ZNF808: variants seen among roughly 807,000 people sequenced by gnomAD.
ZNF808 encodes the protein zinc finger protein 808.
In ZNF808, 5 loss-of-function variants were observed where a neutral mutation model predicts 8.7. The observed-to-expected ratio is 0.58, with a 90% CI of 0.30 to 1.21. The LOEUF (loss-of-function observed/expected upper bound fraction) is 1.21, where lower values mean the gene tolerates loss of function less well. Among genes scored for constraint, ZNF808 ranks in the 50% most tolerant of loss-of-function variants. The pLI is 0.07. For missense variants in ZNF808, 1,103 were observed against 1,098.4 expected (o/e 1.00, Z -0.06); for synonymous variants, 380 against 366.0 (o/e 1.04, Z -0.44).
At chr19:52,530,436 G>T (rs544419798) in intron 1 of ZNF808, among the ~76,000 whole-genome samples, 69 of 152,152 alleles carry the variant, frequency 4.5e-4, no homozygotes, top group Admixed American at 2.3e-3. Context: ...GACAGAGGTG[G>T]GTGGATCATG....
At chr19:52,528,667 G>T (rs2059532920) in intron 1 of ZNF808, among the ~76,000 whole-genome samples, 1 of 152,094 alleles carries the variant, frequency 6.6e-6, no homozygotes, top group Admixed American at 6.6e-5. Context: ...AGCCAGGGCA[G>T]ACAGAGCAGA....
downstream of ZNF808, among the ~76,000 whole-genome samples, chr19:52,557,337 T>C (rs1219162242): frequency 6.6e-6 from 1 of 150,748 alleles, no homozygotes; most frequent in Non-Finnish European, 1.5e-5. Flanking sequence ...TGCGATCTGG[T>C]GTCACTGCAA....
chr19:52,535,330 CAAAAAA>C (rs560559835), intron 2 of ZNF808, among the ~76,000 whole-genome samples: 862 of 70,142 alleles, frequency 0.012, 9 homozygotes, highest in Middle Eastern at 0.061. Context: ...GACTCCGTCT[CAAAAAA>C]AAAAAAAAAA....
chr19:52,558,528 C>T (rs558086815), downstream of ZNF808, among the ~76,000 whole-genome samples: 13 of 151,936 alleles, frequency 8.6e-5, no homozygotes, highest in South Asian at 1.5e-3. Context: ...TGTGCCACCA[C>T]GCCCAGCTAA....
downstream of ZNF808, among the ~76,000 whole-genome samples, chr19:52,567,248 G>A (rs982674882): frequency 3.2e-4 from 49 of 152,028 alleles, no homozygotes; most frequent in African/African-American, 1.2e-3. Context: ...CAATGCAACC[G>A]GCCAAGGATA....
intron 4 of ZNF808, among the ~76,000 whole-genome samples, chr19:52,551,940 T>A (rs1161149566): frequency 1.3e-5 from 2 of 151,818 alleles, no homozygotes; most frequent in Non-Finnish European, 1.5e-5. Context: ...CAGGCAGAGG[T>A]TGCAGTGAGC....
At position 52,554,987 on chromosome 19, in the gene ZNF808, C is replaced by T. The variant is rs529460245; in HGVS notation, c.2071C>T (p.Arg691Cys). 15 of 1,609,236 alleles carry T rather than the reference C, an allele frequency of 9.3e-6. No homozygotes were observed. The Admixed American group carries it at 1.2e-4, about 13-fold the overall frequency. The change falls in exon 5 of 5, where the codon CGT becomes TGT. Residue 691 changes from arginine to cysteine, a missense_variant. Transcript: ENST00000359798. ...GGTTTGTGACAAGGCTTTCGTGTGTCGTTCCTATGTGGCAAAACATACTAG... is the reference window on the plus strand; with the variant it reads ...GGTTTGTGACAAGGCTTTCGTGTGTTGTTCCTATGTGGCAAAACATACTAG... ...CKVCDKAFVC[R>C]SYVAKHTRIH...
chr19:52,529,547 T>C (rs149627627), intron 1 of ZNF808, among the ~76,000 whole-genome samples: 1 of 152,278 alleles, frequency 6.6e-6, no homozygotes, highest in East Asian at 1.9e-4. Context: ...AACATGTACA[T>C]TCTATAAATC....
chr19:52,565,133 G>A (rs1467724020), downstream of ZNF808, among the ~76,000 whole-genome samples: 11 of 151,964 alleles, frequency 7.2e-5, no homozygotes, highest in Admixed American at 5.3e-4. Context: ...AAAATTAGGC[G>A]GGCATGGTGG....
At chr19:52,565,706 A>G (rs981233634), downstream of ZNF808, among the ~76,000 whole-genome samples, 5 of 152,190 alleles carry the variant, frequency 3.3e-5, no homozygotes, top group African/African-American at 7.2e-5. Context: ...TAAATTGTGT[A>G]TTCAATGAAA....
At chr19:52,551,490 A>T (rs1003029101) in intron 4 of ZNF808, among the ~76,000 whole-genome samples, 8 of 152,112 alleles carry the variant, frequency 5.3e-5, no homozygotes, top group Non-Finnish European at 1.5e-5. Context: ...TGATCTTAAC[A>T]TGTATTTCAG....
At chr19:52,540,680 A>G (rs182663902) in intron 2 of ZNF808, among the ~76,000 whole-genome samples, 1 of 152,192 alleles carries the variant, frequency 6.6e-6, no homozygotes, top group East Asian at 1.9e-4. Flanking sequence ...TATTCTCTAC[A>G]GATGTTGAAG....
At chr19:52,565,088 AAAATAAAT>A (rs913781255), downstream of ZNF808, among the ~76,000 whole-genome samples, 3 of 152,092 alleles carry the variant, frequency 2.0e-5, no homozygotes, top group Admixed American at 6.6e-5. Context: ...TCCGTCTCAA[AAAATAAAT>A]AAATAAATAA....
At chr19:52,568,528 C>G (rs145376201), downstream of ZNF808, among the ~76,000 whole-genome samples, 98 of 152,274 alleles carry the variant, frequency 6.4e-4, 1 homozygote, top group Non-Finnish European at 1.2e-3. Context: ...ATAATGTAAC[C>G]TTCCTTGAAG....
At position 52,534,550 on chromosome 19, in the gene ZNF808, CTT is replaced by C. The variant is rs575212632; in HGVS notation, c.-20+1543_-20+1544del. On this transcript the variant is annotated intron_variant, in intron 2 of 4. Transcript: ENST00000359798. ...ATGATTTCTCATTTGGGGGAAGACT[CTT>C]TGTTTTTCAATTATATTTTCTCACA... Among the ~76,000 whole-genome samples the C allele has an allele frequency of 2.2e-4, 34 of 152,190 alleles. 1 individual carries two copies. The South Asian group carries it at 5.8e-3, about 26-fold the overall frequency.
chr19:52,566,134 T>A (rs1168391062), downstream of ZNF808, among the ~76,000 whole-genome samples: 1 of 152,098 alleles, frequency 6.6e-6, no homozygotes, highest in Non-Finnish European at 1.5e-5. Context: ...AGAGTCCATT[T>A]GTGAAAGATT....
downstream of ZNF808, among the ~76,000 whole-genome samples, chr19:52,568,040 A>C (rs996798237): frequency 1.1e-4 from 16 of 152,358 alleles, no homozygotes; most frequent in Non-Finnish European, 2.2e-4. Context: ...GAACGTGGTC[A>C]TGCAACCTGA....
intron 2 of ZNF808, among the ~76,000 whole-genome samples, chr19:52,536,505 C>T (rs1457165767): frequency 6.6e-6 from 1 of 152,144 alleles, no homozygotes; most frequent in Non-Finnish European, 1.5e-5. Context: ...TCGCCCCCTA[C>T]ATCCCCCCTC....
intron 2 of ZNF808, among the ~76,000 whole-genome samples, chr19:52,542,971 GA>G (rs2059686534): frequency 6.6e-6 from 1 of 151,614 alleles, no homozygotes; most frequent in African/African-American, 2.4e-5. Context: ...GGGGGGGGTG[GA>G]GGCTTTGATC....
Sources: gnomAD v4.1 joint callset for allele counts (sites outside exome capture counted in the v4.1 genomes callset) on GRCh38, gnomAD v4.1.1 for gene constraint, MANE v1.5 for transcripts, NCBI Gene and HGNC (gene_info 2026-07-23, HGNC 2026-07-21) for gene names.